NBEA: variants seen among roughly 807,000 people sequenced by gnomAD.
The protein encoded by NBEA is lysosomal-trafficking regulator 2.
Under a neutral mutation model 343.4 loss-of-function variants are expected in NBEA, and 44 were observed. The observed-to-expected ratio is 0.13, with a 90% CI of 0.10 to 0.16. NBEA has a LOEUF of 0.16. Ranked by LOEUF, NBEA falls within the 10% of genes least tolerant of loss-of-function variation. The pLI is 1.00. For synonymous variants in NBEA, 1,175 were observed against 1,238.7 expected, an observed-to-expected ratio of 0.95 and a Z score of 1.08; for missense variants, 2,555 against 3,631.3, an observed-to-expected ratio of 0.70 and a Z score of 7.62.
intron 16 of NBEA, among the ~76,000 whole-genome samples, chr13:35,119,647 G>A (rs565771927): frequency 1.1e-4 from 17 of 152,132 alleles, no homozygotes; most frequent in Admixed American, 5.2e-4. Flanking sequence ...GTGCAGTGGC[G>A]CAATCTCAGC....
At chr13:35,229,687 A>G (rs565948905) in intron 33 of NBEA, among the ~76,000 whole-genome samples, 3 of 152,296 alleles carry the variant, frequency 2.0e-5, no homozygotes, top group Non-Finnish European at 4.4e-5. Context: ...CAAAATGACA[A>G]TATAGCCACA....
intron 1 of NBEA, among the ~76,000 whole-genome samples, chr13:35,015,833 A>C (rs1467651615): frequency 6.6e-6 from 1 of 152,038 alleles, no homozygotes; most frequent in African/African-American, 2.4e-5. Context: ...TTACATAATA[A>C]CCTCATTTAA....
intron 17 of NBEA, among the ~76,000 whole-genome samples, chr13:35,135,108 A>G (rs1045623642): frequency 5.3e-5 from 8 of 152,002 alleles, no homozygotes; most frequent in African/African-American, 1.9e-4. Context: ...GGAGCACAAA[A>G]CATGCCCTGT....
At chr13:35,186,117 A>G (rs541403241) in intron 30 of NBEA, 1 of 152,204 alleles carries the variant, frequency 6.6e-6, no homozygotes, top group Non-Finnish European at 1.5e-5. Context: ...CAGCCTGGGC[A>G]ATGTAGTGAG....
At chr13:35,394,393 T>C (rs1236249075) in intron 38 of NBEA, among the ~76,000 whole-genome samples, 3 of 152,134 alleles carry the variant, frequency 2.0e-5, no homozygotes, top group African/African-American at 7.2e-5. Flanking sequence ...AGAGTAGAGC[T>C]TCAAGTATAT....
intron 34 of NBEA, among the ~76,000 whole-genome samples, chr13:35,283,987 G>GACACACAC (rs34465386): frequency 0.013 from 1,787 of 140,958 alleles, 11 homozygotes; most frequent in Middle Eastern, 0.036. Flanking sequence ...TGTGTACACA[G>GACACACAC]ACACACACAC....
At chr13:35,318,098 C>G (rs548690024) in intron 36 of NBEA, among the ~76,000 whole-genome samples, 3 of 152,318 alleles carry the variant, frequency 2.0e-5, no homozygotes, top group African/African-American at 7.2e-5. Flanking sequence ...TTATTTCTTT[C>G]TCTTGCCTGA....
chr13:35,077,490 T>C (rs2064171526), intron 10 of NBEA, among the ~76,000 whole-genome samples: 1 of 152,136 alleles, frequency 6.6e-6, no homozygotes, highest in Admixed American at 6.6e-5. Flanking sequence ...AATTAAAATA[T>C]TAGCTGTTCC....
chr13:35,171,149 A>G (rs2070433630), intron 25 of NBEA, 123 bp from the exon 26 acceptor site: 3 of 922,078 alleles, frequency 3.3e-6, no homozygotes, highest in African/African-American at 1.6e-5. Flanking sequence ...TTGAACATTT[A>G]TTTTATTTAT....
At chr13:35,275,435 T>C (rs1198519654) in intron 34 of NBEA, among the ~76,000 whole-genome samples, 1 of 152,138 alleles carries the variant, frequency 6.6e-6, no homozygotes, top group Admixed American at 6.5e-5. Flanking sequence ...ATTCAGGACA[T>C]AGGCATGGGC....
intron 10 of NBEA, among the ~76,000 whole-genome samples, chr13:35,083,224 T>G (rs1223044629): frequency 6.6e-6 from 1 of 152,184 alleles, no homozygotes; most frequent in African/African-American, 2.4e-5. Flanking sequence ...GATCAGATAG[T>G]TGTGGATATG....
intron 10 of NBEA, among the ~76,000 whole-genome samples, chr13:35,088,511 A>C (rs529068322): frequency 2.5e-4 from 38 of 152,010 alleles, no homozygotes; most frequent in Non-Finnish European, 4.9e-4. Context: ...AGGAAAATGC[A>C]AGGTGATGTT....
At chr13:35,180,336 A>G (rs2152729258) in intron 28 of NBEA, among the ~76,000 whole-genome samples, 1 of 151,932 alleles carries the variant, frequency 6.6e-6, no homozygotes, top group African/African-American at 2.4e-5. Context: ...ATACTCTAGT[A>G]TATTAGAGGT....
chr13:35,429,742 C>T lies in NBEA; in HGVS notation c.6180-2527C>T, dbSNP rs546612434. ...CATCACCTGAGCAGTGTACCCTATA[C>T]CCAATGTGTAGTCTTTTATTTCTCA... is the stretch of plus-strand genomic sequence containing the variant. On this transcript the variant is annotated intron_variant, in intron 38 of 58. Coordinates refer to ENST00000379939, the MANE Select transcript of NBEA (RefSeq NM_001385012.1). Among the ~76,000 whole-genome samples, 16 of 151,478 alleles carry T rather than the reference C, an allele frequency of 1.1e-4. No individual in the cohort carries two copies. In the South Asian group the frequency reaches 3.3e-3, roughly 32 times the overall value.
chr13:35,440,619 T>C (rs1264676595), intron 39 of NBEA, among the ~76,000 whole-genome samples: 1 of 152,070 alleles, frequency 6.6e-6, no homozygotes, highest in Non-Finnish European at 1.5e-5. Flanking sequence ...TGGTACTAAA[T>C]GATGGAACAC....
intron 1 of NBEA, among the ~76,000 whole-genome samples, chr13:34,948,514 A>T (rs762664169): frequency 9.2e-5 from 14 of 152,288 alleles, no homozygotes; most frequent in Non-Finnish European, 1.9e-4. Flanking sequence ...CTAACCATTA[A>T]ATTATCTCCT....
At chr13:35,519,415 A>T (rs1246366549) in intron 41 of NBEA, among the ~76,000 whole-genome samples, 1 of 152,154 alleles carries the variant, frequency 6.6e-6, no homozygotes, top group African/African-American at 2.4e-5. Context: ...AGTCCCTTTC[A>T]TTGACCTTAT....
chr13:34,958,824 G>A (rs1176798184), intron 1 of NBEA, among the ~76,000 whole-genome samples: 1 of 152,080 alleles, frequency 6.6e-6, no homozygotes, highest in Non-Finnish European at 1.5e-5. Context: ...GAGTTAAATG[G>A]CTTGCTAAAA....
intron 41 of NBEA, among the ~76,000 whole-genome samples, chr13:35,477,724 T>A (rs2075939950): frequency 6.6e-6 from 1 of 152,232 alleles, no homozygotes; most frequent in African/African-American, 2.4e-5. Context: ...TCTAATTTTA[T>A]ACTATTTCGT....
Sources: allele counts gnomAD v4.1 joint callset (sites outside exome capture counted in the v4.1 genomes callset), GRCh38; gene constraint gnomAD v4.1.1; transcripts MANE v1.5; gene names NCBI Gene and HGNC (gene_info 2026-07-23, HGNC 2026-07-21).